The following GRID2 variants were observed in gnomAD, a reference collection of about 807,000 sequenced individuals.
The protein encoded by GRID2 is glutamate ionotropic receptor delta type subunit 2, also known as glutamate receptor ionotropic, delta-2.
GRID2 carries 33 observed loss-of-function variants against 114.8 expected under a neutral mutation model. The ratio of observed to expected loss-of-function variants is 0.29; its 90% confidence interval spans 0.22 to 0.38. GRID2 has a LOEUF of 0.38. GRID2 is among the 10% of genes least tolerant of loss of function. The pLI is 1.00. For missense variants in GRID2, 1,184 were observed against 1,257.7 expected (o/e 0.94, Z 0.89); for synonymous variants, 505 against 449.9 (o/e 1.12, Z -1.55).
chr4:93,485,303 G>T (rs1726276214), intron 11 of GRID2, among the ~76,000 whole-genome samples: 1 of 151,280 alleles, frequency 6.6e-6, no homozygotes, highest in African/African-American at 2.4e-5. Context: ...TTTTTTGTTA[G>T]GTATATGTAT....
intron 2 of GRID2, among the ~76,000 whole-genome samples, chr4:92,642,523 G>A (rs771769507): frequency 4.6e-5 from 7 of 151,908 alleles, no homozygotes; most frequent in Admixed American, 6.6e-5. Context: ...CGTTGATTCC[G>A]GAGATGAGAC....
At chr4:93,315,178 C>T (rs919142952) in intron 8 of GRID2, among the ~76,000 whole-genome samples, 1 of 152,088 alleles carries the variant, frequency 6.6e-6, no homozygotes, top group African/African-American at 2.4e-5. Context: ...CACTCACCAT[C>T]ACAAGAACAG....
chr4:92,904,574 C>T (rs760561264), intron 2 of GRID2, among the ~76,000 whole-genome samples: 1 of 150,460 alleles, frequency 6.6e-6, no homozygotes, highest in Non-Finnish European at 1.5e-5. Flanking sequence ...AATATAAAGT[C>T]GATGTAAAAG....
intron 1 of GRID2, among the ~76,000 whole-genome samples, chr4:92,495,416 G>A (rs1424732427): frequency 6.6e-6 from 1 of 151,942 alleles, no homozygotes; most frequent in Admixed American, 6.6e-5. Flanking sequence ...TGTATAAACA[G>A]GTAGAATGAA....
intron 8 of GRID2, among the ~76,000 whole-genome samples, chr4:93,301,655 C>T (rs1754881556): frequency 6.6e-6 from 1 of 152,058 alleles, no homozygotes; most frequent in Non-Finnish European, 1.5e-5. Flanking sequence ...TATCAAAGTA[C>T]CACACAAGTT....
rs150541669 is a variant in GRID2, at chr4:93,395,728, C to T, written c.1347+20C>T. Reference sequence around the variant, plus strand: ...GTTCTGGTAAGTATTATCTGAGCCTCGTGGTTTTGACTTTTGGAGGTTACT... The same window carrying T: ...GTTCTGGTAAGTATTATCTGAGCCTTGTGGTTTTGACTTTTGGAGGTTACT... On this transcript the variant is annotated intron_variant, in intron 9 of 15. Coordinates refer to ENST00000282020, the MANE Select transcript of GRID2 (RefSeq NM_001510.4). 12 of 1,114,916 alleles carry T rather than the reference C, an allele frequency of 1.1e-5. No individual in the cohort carries two copies. The highest frequency in any genetic ancestry group is 7.7e-5 in the African/African-American group (5 of 64,900). 69.1% of individuals were successfully genotyped at this position (1,114,916 alleles called of 1,614,324 possible).
At chr4:93,206,088 A>T (rs1245407289) in intron 4 of GRID2, among the ~76,000 whole-genome samples, 1 of 151,938 alleles carries the variant, frequency 6.6e-6, no homozygotes, top group African/African-American at 2.4e-5. Context: ...AAATAAAATT[A>T]AAAATGATAA....
At chr4:92,482,009 TATATATATATATATATATATATATAA>T (rs1449577339) in intron 1 of GRID2, among the ~76,000 whole-genome samples, 10 of 64,004 alleles carry the variant, frequency 1.6e-4, no homozygotes, top group African/African-American at 5.1e-4. Context: ...TATATATATA[TATATATATATATATATATATATATAA>T]AATAACAATA....
intron 2 of GRID2, among the ~76,000 whole-genome samples, chr4:92,879,894 G>C (rs1294709490): frequency 6.6e-6 from 1 of 152,138 alleles, no homozygotes; most frequent in Non-Finnish European, 1.5e-5. Context: ...ATCTCATAGT[G>C]CTCCGAATTA....
chr4:92,870,271 C>CAA, intron 2 of GRID2, among the ~76,000 whole-genome samples: 1 of 150,618 alleles, frequency 6.6e-6, no homozygotes, highest in South Asian at 2.1e-4. Context: ...TATACGGACA[C>CAA]ACACACACAC....
intron 2 of GRID2, among the ~76,000 whole-genome samples, chr4:92,951,510 T>G (rs983517621): frequency 9.9e-5 from 15 of 152,048 alleles, no homozygotes; most frequent in Non-Finnish European, 2.9e-5. Context: ...CTGGCTAATT[T>G]TTTTGTATTT....
intron 13 of GRID2, among the ~76,000 whole-genome samples, chr4:93,559,353 T>C (rs1734660044): frequency 1.3e-5 from 2 of 152,078 alleles, no homozygotes; most frequent in South Asian, 2.1e-4. Context: ...AAAAGGCTAA[T>C]ATACAGAATC....
intron 2 of GRID2, among the ~76,000 whole-genome samples, chr4:92,684,246 C>T (rs1733791669): frequency 6.6e-6 from 1 of 151,836 alleles, no homozygotes; most frequent in South Asian, 2.1e-4. Context: ...GTTTGAAGTG[C>T]TTAAAGTGCA....
chr4:93,138,279 T>G (rs1372085594), intron 4 of GRID2, among the ~76,000 whole-genome samples: 1 of 152,072 alleles, frequency 6.6e-6, no homozygotes, highest in Admixed American at 6.5e-5. Context: ...TCAGCTGAAT[T>G]TTTTTCTTAA....
chr4:93,809,499 G>A (rs1327854265), exon 2 of GRID2: 5 of 152,150 alleles, frequency 3.3e-5, no homozygotes, highest in Non-Finnish European at 7.3e-5. Flanking sequence ...TCTCCTGAGC[G>A]AATAGAATGG....
chr4:92,375,912 A>G (rs542269908), intron 1 of GRID2, among the ~76,000 whole-genome samples: 105 of 152,216 alleles, frequency 6.9e-4, no homozygotes, highest in African/African-American at 2.3e-3. Context: ...TTGAGGTTGT[A>G]TTTTATTAAA....
At chr4:92,492,396 A>C (rs1048843296) in intron 1 of GRID2, among the ~76,000 whole-genome samples, 1 of 152,192 alleles carries the variant, frequency 6.6e-6, no homozygotes, top group Non-Finnish European at 1.5e-5. Context: ...TGTTTATTAC[A>C]TGTGTAAACA....
intron 14 of GRID2, among the ~76,000 whole-genome samples, chr4:93,690,648 C>T (rs975748615): frequency 5.9e-5 from 9 of 151,696 alleles, no homozygotes; most frequent in Non-Finnish European, 1.3e-4. Flanking sequence ...GAGCTTGGCT[C>T]ACCACAGTTC....
At chr4:93,355,477 G>C (rs1015932862) in intron 8 of GRID2, among the ~76,000 whole-genome samples, 1 of 152,088 alleles carries the variant, frequency 6.6e-6, no homozygotes, top group Non-Finnish European at 1.5e-5. Flanking sequence ...AGAATTTGCA[G>C]AGGCCATATC....
Sources: allele counts gnomAD v4.1 joint callset (sites outside exome capture counted in the v4.1 genomes callset), GRCh38; gene constraint gnomAD v4.1.1; transcripts MANE v1.5; gene names NCBI Gene and HGNC (gene_info 2026-07-23, HGNC 2026-07-21).